CCDC148: variants seen among roughly 807,000 people sequenced by gnomAD.
CCDC148 encodes coiled-coil domain-containing protein 148.
CCDC148 carries 89 observed loss-of-function variants against 85.7 expected under a neutral mutation model. The ratio of observed to expected loss-of-function variants is 1.04; its 90% confidence interval spans 0.87 to 1.24. CCDC148 has a LOEUF of 1.24. CCDC148 is among the 50% of genes most tolerant of loss of function. The probability of loss-of-function intolerance (pLI) is 0.00; values close to 1 mark genes in which losing one functional copy is unlikely to be tolerated. For missense variants in CCDC148, 692 were observed against 671.7 expected, an observed-to-expected ratio of 1.03 and a Z score of -0.33; for synonymous variants, 230 against 213.9, an observed-to-expected ratio of 1.08 and a Z score of -0.66.
intron 11 of CCDC148, among the ~76,000 whole-genome samples, chr2:158,203,894 A>G (rs1686095479): frequency 2.0e-5 from 3 of 152,196 alleles, no homozygotes; most frequent in Admixed American, 2.0e-4. Flanking sequence ...GATCTTTAAT[A>G]CTCAGGCTTG....
intron 1 of CCDC148, among the ~76,000 whole-genome samples, chr2:158,438,724 C>T (rs1370117646): frequency 5.2e-4 from 79 of 152,310 alleles, no homozygotes; most frequent in Non-Finnish European, 1.0e-3. Flanking sequence ...GCAATCTACT[C>T]ATCTGACGAA....
chr2:158,443,515 A>AAG (rs1553524473), intron 1 of CCDC148, among the ~76,000 whole-genome samples: 4 of 100,896 alleles, frequency 4.0e-5, no homozygotes, highest in Non-Finnish European at 6.1e-5. Flanking sequence ...AAAAAAAAAA[A>AAG]AAAAAAAAGA....
At chr2:158,407,934 T>C (rs769068475) in intron 1 of CCDC148, among the ~76,000 whole-genome samples, 5 of 152,210 alleles carry the variant, frequency 3.3e-5, no homozygotes, top group African/African-American at 4.8e-5. Context: ...TAAAATTATC[T>C]AATATTTAGC....
At chr2:158,190,439 C>T (rs1175221643) in intron 11 of CCDC148, among the ~76,000 whole-genome samples, 1 of 151,854 alleles carries the variant, frequency 6.6e-6, no homozygotes, top group East Asian at 1.9e-4. Flanking sequence ...AAACCAAAAA[C>T]CCAGAGCAAT....
At chr2:158,326,680 G>C (rs1692792997) in intron 7 of CCDC148, among the ~76,000 whole-genome samples, 1 of 151,842 alleles carries the variant, frequency 6.6e-6, no homozygotes, top group South Asian at 2.1e-4. Flanking sequence ...TTTTACCCTT[G>C]TCAATTTTTT....
chr2:158,329,319 G>A (rs1016039120), intron 7 of CCDC148, among the ~76,000 whole-genome samples: 28 of 152,148 alleles, frequency 1.8e-4, no homozygotes, highest in Admixed American at 3.3e-4. Flanking sequence ...AAGATCAGAT[G>A]GTTGTAGATA....
Position 158,304,698 on chromosome 2 carries a change from A to G in CCDC148, c.1110+4735T>C, listed in dbSNP as rs572564650. Among the ~76,000 whole-genome samples, 4 of 152,284 alleles carry G rather than the reference A, an allele frequency of 2.6e-5. No homozygotes were observed. The South Asian group carries it at 8.3e-4, about 32-fold the overall frequency. Reference sequence around the variant, plus strand: ...TTGTTCTCACCGTAACCAGAAGAAAAAGCTGAATCACTTACATCAGGACTT... The same window carrying G: ...TTGTTCTCACCGTAACCAGAAGAAAGAGCTGAATCACTTACATCAGGACTT... On this transcript the variant is annotated intron_variant, in intron 9 of 13. Transcript: ENST00000283233.
chr2:158,365,949 G>T, intron 1 of CCDC148: 1 of 1,132,222 alleles, frequency 8.8e-7, no homozygotes, highest in Non-Finnish European at 1.2e-6. Context: ...TTCCAATTGT[G>T]TATCATTTCA....
chr2:158,253,293 C>T (rs945377992), intron 9 of CCDC148, among the ~76,000 whole-genome samples: 7 of 151,552 alleles, frequency 4.6e-5, no homozygotes, highest in African/African-American at 1.2e-4. Flanking sequence ...CCAACAAATG[C>T]CCCCCTTTGA....
At chr2:158,400,684 C>G (rs2105305802) in intron 1 of CCDC148, among the ~76,000 whole-genome samples, 1 of 152,196 alleles carries the variant, frequency 6.6e-6, no homozygotes, top group Middle Eastern at 3.4e-3. Context: ...AAAGCAATGG[C>G]AACAAAAGCC....
chr2:158,436,518 A>G (rs1390577769), intron 1 of CCDC148, among the ~76,000 whole-genome samples: 1 of 152,218 alleles, frequency 6.6e-6, no homozygotes. Flanking sequence ...CCCACAAGAG[A>G]AAGCAGGAAA....
intron 1 of CCDC148, among the ~76,000 whole-genome samples, chr2:158,376,001 T>C (rs1684634806): frequency 6.6e-6 from 1 of 152,100 alleles, no homozygotes; most frequent in South Asian, 2.1e-4. Flanking sequence ...GTTCTGTAAC[T>C]TTCAGCCAAA....
chr2:158,227,237 T>C (rs1687592070), intron 10 of CCDC148, among the ~76,000 whole-genome samples: 3 of 151,178 alleles, frequency 2.0e-5, no homozygotes, highest in African/African-American at 7.3e-5. Context: ...TACCTAGGAA[T>C]CCAACTTACA....
At chr2:158,175,733 T>C (rs1357182) in intron 13 of CCDC148, among the ~76,000 whole-genome samples, 135,817 of 152,130 alleles carry the variant, frequency 0.89, 60,677 homozygotes, top group East Asian at 0.98. Flanking sequence ...CCGCACAAAG[T>C]AGAGACATAA....
intron 2 of CCDC148, among the ~76,000 whole-genome samples, chr2:158,350,809 CAT>C (rs1408030002): frequency 2.6e-5 from 4 of 152,024 alleles, no homozygotes; most frequent in South Asian, 2.1e-4. Context: ...TGTTTTGATA[CAT>C]ATATATGTTA....
intron 7 of CCDC148, among the ~76,000 whole-genome samples, chr2:158,330,242 C>T (rs1258905450): frequency 2.0e-5 from 3 of 152,124 alleles, no homozygotes; most frequent in Non-Finnish European, 2.9e-5. Flanking sequence ...TGTCAAAGGC[C>T]TTTTCTGCAT....
intron 10 of CCDC148, among the ~76,000 whole-genome samples, chr2:158,238,300 T>C (rs1211477012): frequency 6.6e-6 from 1 of 151,904 alleles, no homozygotes; most frequent in Admixed American, 6.6e-5. Flanking sequence ...ATGGAGGGAC[T>C]AGCCTTAGAC....
rs139590348 is a variant in CCDC148 at position 158,211,326 on chromosome 2, C to A, written c.1370+9269G>T. ...ATTGATTCTCAAAAAGATCACAGCA[C>A]CTAGATGTTCTATTCGGAATTACAG... is the stretch of plus-strand genomic sequence containing the variant. On this transcript the variant is annotated intron_variant, in intron 11 of 13. Transcript: ENST00000283233. Among the ~76,000 whole-genome samples the A allele has an allele frequency of 5.3e-5, 8 of 152,254 alleles. No homozygotes were observed. In the East Asian group the frequency reaches 1.5e-3, roughly 29 times the overall value.
At chr2:158,406,036 C>G (rs1394624783) in intron 1 of CCDC148, among the ~76,000 whole-genome samples, 3 of 152,114 alleles carry the variant, frequency 2.0e-5, no homozygotes, top group African/African-American at 7.2e-5. Context: ...TATTGATCGT[C>G]AGGGTGGCTC....
Sources: allele counts gnomAD v4.1 joint callset (sites outside exome capture counted in the v4.1 genomes callset), GRCh38; gene constraint gnomAD v4.1.1; transcripts MANE v1.5; gene names NCBI Gene and HGNC (gene_info 2026-07-23, HGNC 2026-07-21).